Variants in GPATCH2L observed in about 807,000 individuals in gnomAD.
GPATCH2L encodes G patch domain-containing protein 2-like.
GPATCH2L carries 31 observed loss-of-function variants against 57.4 expected under a neutral mutation model. The ratio of observed to expected loss-of-function variants is 0.54; its 90% confidence interval spans 0.41 to 0.73. The LOEUF (loss-of-function observed/expected upper bound fraction) is 0.73, where lower values mean the gene tolerates loss of function less well. GPATCH2L is among the 30% of genes least tolerant of loss of function. GPATCH2L has a pLI of 0.00. For missense variants in GPATCH2L, 481 were observed against 599.9 expected (o/e 0.80, Z 2.07); for synonymous variants, 199 against 210.7 (o/e 0.94, Z 0.48).
chr14:76,215,753 C>T (rs1190792023), downstream of GPATCH2L, among the ~76,000 whole-genome samples: 1 of 109,692 alleles, frequency 9.1e-6, no homozygotes, highest in Non-Finnish European at 1.7e-5. Context: ...ATATCACACT[C>T]TGGGGACTGT....
rs114402304 is a variant in GPATCH2L, at chr14:76,214,264, G to C, written c.*12413G>C. ...CAAGTCTATTTTGTGCCTTTTAGCA[G>C]TGTTTTAAAATTATCCTTGTGTAGG... On this transcript the variant is annotated 3_prime_UTR_variant, in exon 10 of 10. Transcript: ENST00000261530. 3 of 152,160 alleles carry C rather than the reference G, an allele frequency of 2.0e-5. No individual in the cohort carries two copies. The allele number at this position is 152,160 out of a possible 1,614,324, so 9.4% of individuals were successfully genotyped here. A position where few individuals can be genotyped will look rare whatever the true frequency, so the allele number is the denominator to read the frequency against.
chr14:76,193,028 A>G (rs932693156), intron 8 of GPATCH2L, among the ~76,000 whole-genome samples: 15 of 152,132 alleles, frequency 9.9e-5, no homozygotes, highest in African/African-American at 3.1e-4. Context: ...AATATCGCCT[A>G]GAGGAGCAGG....
intron 8 of GPATCH2L, among the ~76,000 whole-genome samples, chr14:76,189,658 G>A (rs2039892247): frequency 6.6e-6 from 1 of 152,018 alleles, no homozygotes; most frequent in African/African-American, 2.4e-5. Flanking sequence ...AGGATACTTT[G>A]ATGTCTTCCT....
chr14:76,155,390 T>A (rs1236516865), intron 2 of GPATCH2L, among the ~76,000 whole-genome samples: 3 of 152,206 alleles, frequency 2.0e-5, no homozygotes, highest in Non-Finnish European at 2.9e-5. Context: ...TGTGTGTGTG[T>A]GAGAGAGAAT....
chr14:76,171,717 T>A (rs1176123485), intron 3 of GPATCH2L, 126 bp from the exon 4 acceptor site: 13 of 636,488 alleles, frequency 2.0e-5, no homozygotes, highest in Non-Finnish European at 1.6e-5. Context: ...AGCAAGACTC[T>A]GTCTCAAAAA....
chr14:76,205,209 A>G lies in GPATCH2L; in HGVS notation c.*3358A>G, dbSNP rs1238089101. 5 of 152,158 alleles carry G rather than the reference A, an allele frequency of 3.3e-5. No homozygotes were observed. Among genetic ancestry groups the G allele is most frequent in the Middle Eastern group, 3.1e-3 (1 of 318 alleles). The allele number at this position is 152,158 out of a possible 1,614,324, so 9.4% of individuals were successfully genotyped here. A position where few individuals can be genotyped will look rare whatever the true frequency, so the allele number is the denominator to read the frequency against. On this transcript the variant is annotated 3_prime_UTR_variant, in exon 10 of 10. Transcript: ENST00000261530. ...GGTCTTGAACTCCTAACCTCAAGCA[A>G]TCTTCCTGCCTCAGCCTCCCCAGGT...
intron 8 of GPATCH2L, among the ~76,000 whole-genome samples, chr14:76,184,792 C>T (rs1013228370): frequency 1.3e-5 from 2 of 152,120 alleles, no homozygotes; most frequent in African/African-American, 2.4e-5. Context: ...AAAATATATC[C>T]GTGCTGGGCC....
chr14:76,154,273 C>T lies in GPATCH2L; in HGVS notation c.-10-81C>T. Reference sequence around the variant, plus strand: ...CATGATCTGTTTCATCAAATTATTCCAAAACAACAGATCCTTTTTCAGGCT... The same window carrying T: ...CATGATCTGTTTCATCAAATTATTCTAAAACAACAGATCCTTTTTCAGGCT... On this transcript the variant is annotated intron_variant, in intron 1 of 9. Transcript: ENST00000261530. The surrounding 1 kb of genome is among the most constrained non-coding windows in gnomAD (Gnocchi z 4.4). 6 of 1,231,814 alleles carry T rather than the reference C, an allele frequency of 4.9e-6. No homozygotes were observed. Among genetic ancestry groups the T allele is most frequent in the Non-Finnish European group, 5.7e-6 (5 of 884,166 alleles). 76.3% of individuals were successfully genotyped at this position (1,231,814 alleles called of 1,614,324 possible). A position where few individuals can be genotyped will look rare whatever the true frequency, so the allele number is the denominator to read the frequency against.
At position 76,152,438 on chromosome 14, in the gene GPATCH2L, G is replaced by T. The variant is rs572095153; in HGVS notation, c.-11+447G>T. On this transcript the variant is annotated intron_variant, in intron 1 of 9. Transcript: ENST00000261530. ...AGAAGAGCCGATCCCCGCCCCTCGT[G>T]AGCCCAAATGAGCAGTTGCCTCCTG... is the stretch of plus-strand genomic sequence containing the variant. 13 of 291,574 alleles carry T rather than the reference G, an allele frequency of 4.5e-5. No homozygotes were observed. In the East Asian group the frequency reaches 1.1e-3, roughly 25 times the overall value. 18.1% of individuals were successfully genotyped at this position (291,574 alleles called of 1,614,324 possible).
At chr14:76,184,026 GTGTGT>G (rs370257166) in intron 8 of GPATCH2L, among the ~76,000 whole-genome samples, 68,300 of 146,066 alleles carry the variant, frequency 0.47, 17,053 homozygotes, top group South Asian at 0.57. Context: ...TTAGCATGGT[GTGTGT>G]GTGTGTGTGT....
intron 1 of GPATCH2L, among the ~76,000 whole-genome samples, chr14:76,220,351 A>G (rs1393988460): frequency 6.6e-6 from 1 of 152,232 alleles, no homozygotes. Context: ...AAAGGCTGAT[A>G]TAGCTATACA....
chr14:76,198,066 A>G (rs941566515), intron 9 of GPATCH2L, among the ~76,000 whole-genome samples: 2 of 149,224 alleles, frequency 1.3e-5, no homozygotes, highest in African/African-American at 5.0e-5. Context: ...TTGTACTAAT[A>G]GTAACAAAAG....
intron 8 of GPATCH2L, among the ~76,000 whole-genome samples, chr14:76,185,431 A>G (rs113663955): frequency 4.6e-4 from 70 of 152,298 alleles, no homozygotes; most frequent in African/African-American, 1.5e-3. Flanking sequence ...ATTGTGAAGG[A>G]TAGTTTTTCT....
chr14:76,221,139 G>C (rs1354603564), intron 1 of GPATCH2L, among the ~76,000 whole-genome samples: 1 of 148,384 alleles, frequency 6.7e-6, no homozygotes, highest in East Asian at 2.0e-4. Flanking sequence ...TATCCAAACT[G>C]TAAAAAGAAC....
At chr14:76,167,495 G>C (rs1239025457) in intron 3 of GPATCH2L, among the ~76,000 whole-genome samples, 1 of 152,170 alleles carries the variant, frequency 6.6e-6, no homozygotes, top group Non-Finnish European at 1.5e-5. Flanking sequence ...GACAGACGTA[G>C]TGGCTACATG....
At chr14:76,197,124 A>G (rs1029350196) in intron 9 of GPATCH2L, among the ~76,000 whole-genome samples, 5 of 152,130 alleles carry the variant, frequency 3.3e-5, no homozygotes, top group African/African-American at 4.8e-5. Context: ...CTGAGGCCAC[A>G]TGGTTGATAA....
chr14:76,155,349 T>C (rs1421579098), intron 2 of GPATCH2L, among the ~76,000 whole-genome samples: 3 of 152,244 alleles, frequency 2.0e-5, no homozygotes, highest in African/African-American at 7.2e-5. Flanking sequence ...TAAATATTGT[T>C]GTTTAGAACT....
chr14:76,180,957 G>A (rs938633122), intron 8 of GPATCH2L, 108 bp downstream of exon 8: 12 of 711,294 alleles, frequency 1.7e-5, no homozygotes, highest in Non-Finnish European at 2.7e-5. Context: ...ATTTGATCCT[G>A]ACAATCTTTT....
chr14:76,218,594 G>A (rs898229720), downstream of GPATCH2L, among the ~76,000 whole-genome samples: 1 of 151,620 alleles, frequency 6.6e-6, no homozygotes, highest in Non-Finnish European at 1.5e-5. Context: ...CACTTCTCTC[G>A]ATTTACAAAT....
Sources: allele counts gnomAD v4.1 joint callset (sites outside exome capture counted in the v4.1 genomes callset), GRCh38; gene constraint gnomAD v4.1.1; non-coding constraint Gnocchi (gnomAD v3.1); transcripts MANE v1.5; gene names NCBI Gene and HGNC (gene_info 2026-07-23, HGNC 2026-07-21).